Variants in WDFY4 observed in about 807,000 individuals in gnomAD.
The protein encoded by WDFY4 is WDFY family member 4.
Under a neutral mutation model 351.9 loss-of-function variants are expected in WDFY4, and 169 were observed. That is an observed-to-expected ratio of 0.48 (90% CI 0.42 to 0.55). The LOEUF (loss-of-function observed/expected upper bound fraction) is 0.55, where lower values mean the gene tolerates loss of function less well. Ranked by LOEUF, WDFY4 falls within the 20% of genes least tolerant of loss-of-function variation. The pLI, the probability that WDFY4 is intolerant of heterozygous loss-of-function variation, is 0.00. For missense variants in WDFY4, 3,803 were observed against 3,935.6 expected (o/e 0.97, Z 0.90); for synonymous variants, 1,622 against 1,574.6 (o/e 1.03, Z -0.71).
At chr10:48,842,826 A>G (rs951069261) in intron 39 of WDFY4, among the ~76,000 whole-genome samples, 1 of 151,952 alleles carries the variant, frequency 6.6e-6, no homozygotes, top group Non-Finnish European at 1.5e-5. Flanking sequence ...TGCCAGTCAC[A>G]CTCTTCCTGG....
chr10:48,731,921 G>A (rs901704471), intron 9 of WDFY4, among the ~76,000 whole-genome samples: 1 of 152,192 alleles, frequency 6.6e-6, no homozygotes, highest in Non-Finnish European at 1.5e-5. Context: ...CCTGGGGTCT[G>A]CTGGGATATG....
At position 48,969,236 on chromosome 10, in the gene WDFY4, C is replaced by T. The variant is rs1265510988; in HGVS notation, c.8757C>T (p.Tyr2919=). ...ACTTCAGCTGCTGCTTGGGGAGCTA[C>T]GGCTCCGACAAGGTGAGGGGGCTGC... ...FDDFSCCLGS[Y]GSDKVLMTFE... Residue 2919 remains tyrosine (Y), a synonymous_variant, in exon 56 of 62, where the codon TAC becomes TAT. Coordinates refer to ENST00000325239, the MANE Select transcript of WDFY4 (RefSeq NM_001394531.1). 2.1e-5 allele frequency: 32 copies of T among 1,551,348 alleles called. No individual in the cohort carries two copies. Among genetic ancestry groups the T allele is most frequent in the Middle Eastern group, 1.7e-4 (1 of 5,956 alleles).
intron 44 of WDFY4, among the ~76,000 whole-genome samples, chr10:48,893,076 T>C (rs1337352315): frequency 6.6e-6 from 1 of 152,216 alleles, no homozygotes; most frequent in Non-Finnish European, 1.5e-5. Context: ...CTCTGACTGC[T>C]CTAGGGAAGC....
intron 17 of WDFY4, 120 bp downstream of exon 17, chr10:48,777,615 G>A (rs2066076779): frequency 2.4e-5 from 24 of 1,012,392 alleles, no homozygotes; most frequent in Non-Finnish European, 3.4e-5. Context: ...GCTGGGCATG[G>A]TGGCTCACAC....
At chr10:48,854,568 A>G (rs887008366) in intron 39 of WDFY4, among the ~76,000 whole-genome samples, 1 of 152,192 alleles carries the variant, frequency 6.6e-6, no homozygotes, top group African/African-American at 2.4e-5. Context: ...AGGTCCTAGT[A>G]ACCTCATTTT....
At chr10:48,809,502 C>A (rs911515736) in intron 28 of WDFY4, among the ~76,000 whole-genome samples, 2 of 151,332 alleles carry the variant, frequency 1.3e-5, no homozygotes, top group Non-Finnish European at 2.9e-5. Flanking sequence ...ACCACTACCA[C>A]CATCAACATC....
chr10:48,891,527 C>T (rs371956263), intron 44 of WDFY4, among the ~76,000 whole-genome samples: 2 of 152,356 alleles, frequency 1.3e-5, no homozygotes. Flanking sequence ...AAGAGTTCTT[C>T]GTGCAGAGAT....
chr10:48,907,762 A>G (rs1837695079), intron 47 of WDFY4, among the ~76,000 whole-genome samples: 1 of 152,152 alleles, frequency 6.6e-6, no homozygotes, highest in Admixed American at 6.5e-5. Context: ...AAGGTACACA[A>G]ATGCTTAACT....
At chr10:48,760,872 G>A (rs972650774) in intron 13 of WDFY4, among the ~76,000 whole-genome samples, 3 of 152,218 alleles carry the variant, frequency 2.0e-5, no homozygotes, top group Non-Finnish European at 4.4e-5. Flanking sequence ...AGCAAGATGA[G>A]CATAGACACT....
chr10:48,969,311 G>A, intron 56 of WDFY4, 63 bp downstream of exon 56: 3 of 1,530,764 alleles, frequency 2.0e-6, no homozygotes, highest in Non-Finnish European at 2.6e-6. Flanking sequence ...GCTGGAGGCA[G>A]AGATGGCCCA....
chr10:48,962,422 G>C (rs1841900129), intron 53 of WDFY4, among the ~76,000 whole-genome samples: 1 of 152,166 alleles, frequency 6.6e-6, no homozygotes, highest in Non-Finnish European at 1.5e-5. Context: ...AATCCCAAAT[G>C]AACATTTTGA....
intron 1 of WDFY4, among the ~76,000 whole-genome samples, chr10:48,687,867 C>T (rs890907713): frequency 2.0e-5 from 3 of 151,826 alleles, no homozygotes; most frequent in Non-Finnish European, 4.4e-5. Context: ...CTGCAACCTC[C>T]ACCTCCCAGG....
At chr10:48,806,523 C>T (rs1000035752) in intron 27 of WDFY4, among the ~76,000 whole-genome samples, 34 of 152,222 alleles carry the variant, frequency 2.2e-4, no homozygotes, top group African/African-American at 8.0e-4. Context: ...TGCCACCCCT[C>T]CCCCACTAGC....
intron 47 of WDFY4, among the ~76,000 whole-genome samples, chr10:48,924,220 T>C (rs1402445760): frequency 6.6e-6 from 1 of 152,150 alleles, no homozygotes; most frequent in East Asian, 1.9e-4. Flanking sequence ...CTCCCTGGGG[T>C]CACCCGACCT....
chr10:48,974,930 C>T lies in WDFY4; in HGVS notation c.8997C>T (p.Ser2999=), dbSNP rs1380754457. Residue 2999 remains serine (S), a synonymous_variant, in exon 58 of 62, where the codon AGC becomes AGT. Coordinates refer to ENST00000325239, the MANE Select transcript of WDFY4 (RefSeq NM_001394531.1). ...CAGTCACCTTCAGCCTCCTGGTGAG[C>T]GGCTCCCAGGACTGCACCTGTATCC... ...AASVTFSLLV[S]GSQDCTCILW... is the part of the protein sequence containing the mutation. 29 of 1,551,580 alleles carry T rather than the reference C, an allele frequency of 1.9e-5. No homozygotes were observed. Among genetic ancestry groups the T allele is most frequent in the Admixed American group, 1.8e-4 (9 of 51,010 alleles).
chr10:48,946,222 G>A, intron 50 of WDFY4, 65 bp downstream of exon 50: 1 of 1,279,160 alleles, frequency 7.8e-7, no homozygotes, highest in Non-Finnish European at 1.1e-6. Context: ...AATGATAGTT[G>A]ATAACAATTA....
At chr10:48,713,013 AAATT>A (rs1425625276) in intron 2 of WDFY4, among the ~76,000 whole-genome samples, 2 of 152,218 alleles carry the variant, frequency 1.3e-5, no homozygotes, top group Non-Finnish European at 2.9e-5. Flanking sequence ...GGCCCAAAGA[AAATT>A]AATTAAGATT....
intron 57 of WDFY4, among the ~76,000 whole-genome samples, chr10:48,971,119 T>C (rs1030835725): frequency 6.6e-6 from 1 of 152,194 alleles, no homozygotes; most frequent in Non-Finnish European, 1.5e-5. Context: ...TGCTCTAGAA[T>C]ATCACTAGGG....
intron 12 of WDFY4, among the ~76,000 whole-genome samples, chr10:48,756,143 A>G (rs2065329438): frequency 6.6e-6 from 1 of 152,026 alleles, no homozygotes; most frequent in Admixed American, 6.6e-5. Flanking sequence ...ACTATAGTAA[A>G]TCTTCCAACC....
Sources: gnomAD v4.1 joint callset for allele counts (sites outside exome capture counted in the v4.1 genomes callset) on GRCh38, gnomAD v4.1.1 for gene constraint, MANE v1.5 for transcripts, NCBI Gene and HGNC (gene_info 2026-07-23, HGNC 2026-07-21) for gene names.